Variants in ACCS observed in about 807,000 individuals in gnomAD.
The protein encoded by ACCS is 1-aminocyclopropane-1-carboxylate synthase-like protein 1.
Under a neutral mutation model 59.8 loss-of-function variants are expected in ACCS, and 42 were observed. That is an observed-to-expected ratio of 0.70 (90% CI 0.55 to 0.91). ACCS has a LOEUF of 0.91. Ranked by LOEUF, ACCS falls within the 40% of genes least tolerant of loss-of-function variation. The probability of loss-of-function intolerance (pLI) is 0.00; values close to 1 mark genes in which losing one functional copy is unlikely to be tolerated. For missense variants in ACCS, 602 were observed against 630.4 expected (o/e 0.95, Z 0.48); for synonymous variants, 230 against 240.3 (o/e 0.96, Z 0.40).
chr11:44,082,539 A>G (rs1185816928), intron 12 of ACCS, among the ~76,000 whole-genome samples: 2 of 152,188 alleles, frequency 1.3e-5, no homozygotes, highest in Non-Finnish European at 2.9e-5. Flanking sequence ...TATAATTCCA[A>G]TTCGATGACA....
At chr11:44,067,944 C>T in intron 2 of ACCS, 29 bp downstream of exon 2, 1 of 1,566,768 alleles carries the variant, frequency 6.4e-7, no homozygotes, top group South Asian at 1.2e-5. Context: ...CCACTGGGAC[C>T]CAAGAGAGAA....
intron 6 of ACCS, 63 bp from the exon 7 acceptor site, chr11:44,077,216 G>T: frequency 6.4e-7 from 1 of 1,551,904 alleles, no homozygotes; most frequent in South Asian, 1.2e-5. Context: ...TGGGGACAGT[G>T]GACAGAGGGT....
intron 3 of ACCS, chr11:44,071,525 ACT>A: frequency 1.9e-6 from 1 of 535,770 alleles, no homozygotes. Flanking sequence ...ATCTCTGTAG[ACT>A]CTTATTTCAC....
Position 44,083,846 on chromosome 11 carries a change from G to T in ACCS, c.*54G>T. 5 of 1,554,402 alleles carry T rather than the reference G, an allele frequency of 3.2e-6. No individual in the cohort carries two copies. Among genetic ancestry groups the T allele is most frequent in the Non-Finnish European group, 4.4e-6 (5 of 1,149,038 alleles). On this transcript the variant is annotated 3_prime_UTR_variant, in exon 15 of 15. Coordinates refer to ENST00000263776, the MANE Select transcript of ACCS (RefSeq NM_032592.4). Reference sequence around the variant, plus strand: ...CCAGCAGCCACTGTGGACCTGGGGCGTTCTGGGGCTGCAGAAGACTGACTG... The same window carrying T: ...CCAGCAGCCACTGTGGACCTGGGGCTTTCTGGGGCTGCAGAAGACTGACTG...
Position 44,070,582 on chromosome 11 carries a change from G to T in ACCS, c.289-674G>T, listed in dbSNP as rs564097645. 3.2e-4 allele frequency among the ~76,000 whole-genome samples: 49 copies of T among 152,148 alleles called. 1 individual carries two copies. The highest frequency in any genetic ancestry group is 2.0e-4 in the Admixed American group (3 of 15,274). The stretch of plus-strand genomic sequence containing the variant: ...CTCAGGGGTCAGCAGTTAGCTGTGC[G>T]TGAGGCCTGCACCGAGTCTCCCTGG... On this transcript the variant is annotated intron_variant, in intron 2 of 14. Transcript: ENST00000263776.
intron 3 of ACCS, chr11:44,073,243 A>G: frequency 1.6e-6 from 1 of 623,446 alleles, no homozygotes; most frequent in Non-Finnish European, 2.9e-6. Flanking sequence ...GCCACTTGCT[A>G]GCTCTGTGAC....
rs879119224 is a variant in ACCS, at chr11:44,074,772, CTTTT to C, written c.489+93_489+96del. ...TCTTTCTTTCTTTCTTTCTTTCTTT[CTTTT>C]TCTCTCTCTCTCTCTTTCTCTCCTT... On this transcript the variant is annotated intron_variant, in intron 5 of 14. Transcript: ENST00000263776. The C allele has an allele frequency of 7.0e-6, 3 of 431,268 alleles. No homozygotes were observed. The African/African-American group carries it at 7.0e-5, about 10-fold the overall frequency. The allele number at this position is 431,268 out of a possible 1,614,324, so 26.7% of individuals were successfully genotyped here.
chr11:44,082,135 A>G (rs958751482), intron 12 of ACCS: 1 of 152,226 alleles, frequency 6.6e-6, no homozygotes, highest in African/African-American at 2.4e-5. Flanking sequence ...TAGTGACAAC[A>G]TCAAGTGTTG....
At chr11:44,071,628 G>A (rs1953054730) in intron 3 of ACCS, 2 of 262,964 alleles carry the variant, frequency 7.6e-6, no homozygotes, top group African/African-American at 2.2e-5. Flanking sequence ...GCTCTTCAGG[G>A]GGACAAAAAA....
Position 44,083,423 on chromosome 11 carries a change from G to GT in ACCS, c.1255dup (p.Tyr419LeufsTer8). On this transcript the variant is annotated frameshift_variant and splice_region_variant. Transcript: ENST00000263776. LOFTEE classifies it high-confidence loss of function. ...GTCCTGAGCCCCTTCCACCCTCTCAGTACCTGCCCAAGGGCACCTTTGAGG... is the reference window on the plus strand; with the variant it reads ...GTCCTGAGCCCCTTCCACCCTCTCAGTTACCTGCCCAAGGGCACCTTTGAGG... 1 of 1,614,142 alleles carries GT rather than the reference G, an allele frequency of 6.2e-7. No homozygotes were observed. Among genetic ancestry groups the GT allele is most frequent in the Non-Finnish European group, 8.5e-7 (1 of 1,179,998 alleles).
chr11:44,078,835 C>T lies in ACCS; in HGVS notation c.833+51C>T, dbSNP rs368561568. On this transcript the variant is annotated intron_variant, in intron 9 of 14. Coordinates refer to ENST00000263776, the MANE Select transcript of ACCS (RefSeq NM_032592.4). ...CAGAGCGTCTGGGCAGCCTGGGGTT[C>T]CAATGCGGGTTTGGTGCAGGTTTTT... is the stretch of plus-strand genomic sequence containing the variant. 2,184 of 1,525,060 alleles carry T rather than the reference C, an allele frequency of 1.4e-3. 3 individuals carry two copies. The highest frequency in any genetic ancestry group is 1.8e-3 in the Non-Finnish European group (2,017 of 1,105,010). 94.5% of individuals were successfully genotyped at this position (1,525,060 alleles called of 1,614,324 possible). A position where few individuals can be genotyped will look rare whatever the true frequency, so the allele number is the denominator to read the frequency against.
intron 2 of ACCS, among the ~76,000 whole-genome samples, chr11:44,070,267 C>T (rs559395557): frequency 6.6e-6 from 1 of 152,126 alleles, no homozygotes; most frequent in Admixed American, 6.5e-5. Flanking sequence ...TTTGACTTGG[C>T]AGGTGAGACA....
chr11:44,071,145 G>T, intron 2 of ACCS, 111 bp from the exon 3 acceptor site: 1 of 1,076,116 alleles, frequency 9.3e-7, no homozygotes, highest in Middle Eastern at 2.0e-4. Flanking sequence ...GTTTGAAAGG[G>T]TGGGATTGTA....
Position 44,081,315 on chromosome 11 carries a change from AC to A in ACCS, c.1108del (p.Arg370ValfsTer35). ...VQYQMAQLLR[D>X]RDWINQVYLP... ...TACCAGATGGCACAGCTGCTCCGGG[AC>A]CGTGGTGACTGCCTGGGCCTGGTGA... On this transcript the variant is annotated frameshift_variant, in exon 12 of 15. Coordinates refer to ENST00000263776, the MANE Select transcript of ACCS (RefSeq NM_032592.4). LOFTEE classifies it high-confidence loss of function. 3 of 1,613,706 alleles carry A rather than the reference AC, an allele frequency of 1.9e-6. No individual in the cohort carries two copies. The highest frequency in any genetic ancestry group is 1.7e-6 in the Non-Finnish European group (2 of 1,179,712).
rs568909887 is a variant in ACCS at position 44,073,420 on chromosome 11, G to A, written c.349-27G>A. 1.4e-5 allele frequency: 22 copies of A among 1,597,102 alleles called. 1 individual carries two copies. In the South Asian group the frequency reaches 2.4e-4, roughly 17 times the overall value. The stretch of plus-strand genomic sequence containing the variant: ...ATGCTGGTAGCAGTGCTGGCCCTCA[G>A]CCGTGCTCTTCCCTCTCTGTCCCCA... On this transcript the variant is annotated intron_variant, in intron 3 of 14. Coordinates refer to ENST00000263776, the MANE Select transcript of ACCS (RefSeq NM_032592.4).
At chr11:44,080,060 T>C (rs1282980019) in intron 10 of ACCS, among the ~76,000 whole-genome samples, 1 of 152,242 alleles carries the variant, frequency 6.6e-6, no homozygotes, top group Non-Finnish European at 1.5e-5. Context: ...AAGCAAAGCA[T>C]TTGTGGCCAA....
At chr11:44,073,101 A>T (rs763250959) in intron 3 of ACCS, among the ~76,000 whole-genome samples, 1 of 152,104 alleles carries the variant, frequency 6.6e-6, no homozygotes, top group Non-Finnish European at 1.5e-5. Flanking sequence ...CTATCACCCC[A>T]TGGAGATGCT....
rs555368949 is a variant in ACCS, at chr11:44,076,598, T to C, written c.557-681T>C. 2.0e-5 allele frequency among the ~76,000 whole-genome samples: 3 copies of C among 152,340 alleles called. No individual in the cohort carries two copies. The South Asian group carries it at 6.2e-4, about 32-fold the overall frequency. ...GCTTCAGTTTCCCTGTCTATAAAGTTAGGATATAATAAATAGTACCTCCTT... is the reference window on the plus strand; with the variant it reads ...GCTTCAGTTTCCCTGTCTATAAAGTCAGGATATAATAAATAGTACCTCCTT... On this transcript the variant is annotated intron_variant, in intron 6 of 14. Transcript: ENST00000263776.
rs200681967 is a variant in ACCS, at chr11:44,075,617, C to T, written c.556+25C>T. On this transcript the variant is annotated intron_variant, in intron 6 of 14. Coordinates refer to ENST00000263776, the MANE Select transcript of ACCS (RefSeq NM_032592.4). ...GGTAAGTGAGCTCTGTGGCCTGCCC[C>T]GCACTGTGAGCCTCATTGTGCTTGC... The T allele has an allele frequency of 2.6e-4, 427 of 1,612,316 alleles. 1 individual carries two copies. Among genetic ancestry groups the T allele is most frequent in the South Asian group, 1.5e-3 (134 of 91,022 alleles).
Sources: gnomAD v4.1 joint callset for allele counts (sites outside exome capture counted in the v4.1 genomes callset) on GRCh38, gnomAD v4.1.1 for gene constraint, MANE v1.5 for transcripts, NCBI Gene and HGNC (gene_info 2026-07-23, HGNC 2026-07-21) for gene names.